Variants in TWF2 observed in about 807,000 individuals in gnomAD.
The protein encoded by TWF2 is twinfilin actin binding protein 2.
A neutral mutation model predicts 45.1 loss-of-function variants in TWF2; 15 were observed. The ratio of observed to expected loss-of-function variants is 0.33; its 90% CI spans 0.22 to 0.51. TWF2 has a LOEUF of 0.51. Ranked by LOEUF, TWF2 falls within the 20% of genes least tolerant of loss-of-function variation. The pLI, the probability that TWF2 is intolerant of heterozygous loss-of-function variation, is 0.97. For missense variants in TWF2, 423 were observed against 469.1 expected (o/e 0.90, Z 0.91); for synonymous variants, 177 against 195.8 (o/e 0.90, Z 0.80).
rs911830754 is a variant in TWF2, at chr3:52,237,353, C to T, written c.25+1639G>A. ...CCTCACATTACAGGTCCCTTTCCTG[C>T]CTACTCTGCGGTCAGCAGATCCACA... On this transcript the variant is annotated intron_variant, in intron 1 of 8. Coordinates refer to ENST00000305533, the MANE Select transcript of TWF2 (RefSeq NM_007284.4). 3.3e-5 allele frequency among the ~76,000 whole-genome samples: 5 copies of T among 152,006 alleles called. No individual in the cohort carries two copies. The East Asian group carries it at 9.7e-4, about 29-fold the overall frequency.
intron 3 of TWF2, 30 bp from the exon 4 acceptor site, chr3:52,231,569 C>G (rs758845464): frequency 6.3e-7 from 1 of 1,599,906 alleles, no homozygotes; most frequent in South Asian, 1.1e-5. Context: ...CCGTAAGAGG[C>G]CTCTGGGCAG....
intron 2 of TWF2, among the ~76,000 whole-genome samples, chr3:52,234,658 C>T (rs1193326984): frequency 1.3e-5 from 2 of 152,198 alleles, no homozygotes; most frequent in African/African-American, 2.4e-5. Flanking sequence ...ACAAATGAGG[C>T]GGGTGGCACC....
At chr3:52,231,604 G>A (rs767510502) in intron 3 of TWF2, 65 bp from the exon 4 acceptor site, 20 of 1,530,392 alleles carry the variant, frequency 1.3e-5, no homozygotes, top group Non-Finnish European at 1.6e-5. Flanking sequence ...GAACAGACAG[G>A]TGCCTCTGGA....
rs1176491130 is a variant in TWF2 at position 52,231,182 on chromosome 3, G to C, written c.428C>G (p.Ala143Gly). ...CTCAGCCGAGGTCAGCGGGGCAGGT[G>C]CCGCACAGGACGACAGGTGTTTCTG... ...GYQKHLSSCA[A>G]PAPLTSAERE... The change falls in exon 5 of 9, where the codon GCA becomes GGA. Residue 143 changes from alanine to glycine, a missense_variant. Coordinates refer to ENST00000305533, the MANE Select transcript of TWF2 (RefSeq NM_007284.4). The C allele has an allele frequency of 6.2e-7, 1 of 1,614,066 alleles. No individual in the cohort carries two copies. The highest frequency in any genetic ancestry group is 1.1e-5 in the South Asian group (1 of 91,080).
chr3:52,229,679 A>T lies in TWF2; in HGVS notation c.864T>A (p.His288Gln). Residue 288 changes from histidine to glutamine, a missense_variant, in exon 8 of 9, where the codon CAT becomes CAA. His to Gln is a conservative substitution (Grantham distance 24). Coordinates refer to ENST00000305533, the MANE Select transcript of TWF2 (RefSeq NM_007284.4). ...RLLDSVEQDF[H>Q]LEIAKKIEIG... ...CGCCTACTTTCTTGGCGATCTCCAG[A>T]TGGAAGTCCTGCTCCACGGAGTCGA... 1 of 1,613,484 alleles carries T rather than the reference A, an allele frequency of 6.2e-7. No homozygotes were observed. Among genetic ancestry groups the T allele is most frequent in the African/African-American group, 1.3e-5 (1 of 75,054 alleles).
chr3:52,237,724 A>G (rs951370225), intron 1 of TWF2, among the ~76,000 whole-genome samples: 1 of 152,184 alleles, frequency 6.6e-6, no homozygotes, highest in Non-Finnish European at 1.5e-5. Flanking sequence ...CTCCTCCTGG[A>G]GAAAGGCTGG....
At chr3:52,238,565 G>A (rs1165665402) in intron 1 of TWF2, among the ~76,000 whole-genome samples, 1 of 152,148 alleles carries the variant, frequency 6.6e-6, no homozygotes, top group Non-Finnish European at 1.5e-5. Flanking sequence ...GGTCCTATGC[G>A]ACCTACAGTG....
At chr3:52,229,626 G>T in intron 8 of TWF2, 35 bp downstream of exon 8, 2 of 1,610,710 alleles carry the variant, frequency 1.2e-6, no homozygotes, top group Non-Finnish European at 8.5e-7. Flanking sequence ...GAGTGATAGG[G>T]CCTGGGGAGG....
chr3:52,232,372 A>G, intron 2 of TWF2: 1 of 553,746 alleles, frequency 1.8e-6, no homozygotes, highest in East Asian at 3.1e-5. Context: ...CCCCACACAC[A>G]CACACGTGCG....
chr3:52,233,006 C>T (rs551619946), intron 2 of TWF2, among the ~76,000 whole-genome samples: 23 of 152,080 alleles, frequency 1.5e-4, no homozygotes, highest in South Asian at 8.3e-4. Flanking sequence ...AGCGAAACTC[C>T]GTCTCAAAAA....
intron 1 of TWF2, 111 bp downstream of exon 1, chr3:52,238,881 A>T (rs1699752854): frequency 2.2e-6 from 3 of 1,385,212 alleles, no homozygotes; most frequent in Admixed American, 4.7e-5. Flanking sequence ...AAAAGAGAAC[A>T]GGAAGCTTTC....
chr3:52,230,540 G>A (rs973421165), intron 6 of TWF2, among the ~76,000 whole-genome samples: 1 of 152,170 alleles, frequency 6.6e-6, no homozygotes, highest in African/African-American at 2.4e-5. Flanking sequence ...TGACAGGAAG[G>A]GCCTCGGGGC....
chr3:52,236,701 A>C (rs1699729204), intron 1 of TWF2, among the ~76,000 whole-genome samples: 1 of 152,024 alleles, frequency 6.6e-6, no homozygotes, highest in African/African-American at 2.4e-5. Context: ...TTAATCTGAG[A>C]CCTCAGGCTA....
At chr3:52,229,231 A>G in intron 8 of TWF2, 30 bp from the exon 9 acceptor site, 1 of 1,604,724 alleles carries the variant, frequency 6.2e-7, no homozygotes, top group African/African-American at 1.3e-5. Context: ...GGTCACCCCA[A>G]TGGGAGGGGC....
chr3:52,231,607 C>A (rs925655957), intron 3 of TWF2, 68 bp from the exon 4 acceptor site: 2 of 1,510,338 alleles, frequency 1.3e-6, no homozygotes, highest in African/African-American at 1.4e-5. Context: ...CAGACAGGTG[C>A]CTCTGGAGGA....
chr3:52,233,751 C>T (rs563926452), intron 2 of TWF2, among the ~76,000 whole-genome samples: 63 of 152,096 alleles, frequency 4.1e-4, no homozygotes, highest in African/African-American at 1.5e-3. Context: ...CCCGTCTCTA[C>T]TAAAAATACA....
intron 8 of TWF2, 43 bp downstream of exon 8, chr3:52,229,618 G>A (rs1339841094): frequency 6.2e-7 from 1 of 1,604,378 alleles, no homozygotes; most frequent in African/African-American, 1.3e-5. Context: ...GGAGATTGGA[G>A]TGATAGGGCC....
Position 52,229,147 on chromosome 3 carries a change from G to A in TWF2, c.937C>T (p.His313Tyr), listed in dbSNP as rs759231820. 1.9e-6 allele frequency: 3 copies of A among 1,613,196 alleles called. No homozygotes were observed. Among genetic ancestry groups the A allele is most frequent in the Non-Finnish European group, 1.7e-6 (2 of 1,180,020 alleles). ...TGCTTGAAGGCGTGTTGCTTGGGGTGCACCTCGTCGTAGAGGAACTCTGCC... is the reference window on the plus strand; with the variant it reads ...TGCTTGAAGGCGTGTTGCTTGGGGTACACCTCGTCGTAGAGGAACTCTGCC... ...LTAEFLYDEV[H>Y]PKQHAFKQAF... Residue 313 changes from histidine to tyrosine, a missense_variant, in exon 9 of 9, where the codon CAC (histidine) becomes TAC (tyrosine). Physicochemically the swap from His to Tyr is moderately conservative, Grantham distance 83 (BLOSUM62 2). Transcript: ENST00000305533.
In TWF2 at chr3:52,229,732, G is replaced by A; in HGVS notation, c.811C>T (p.Leu271Phe). The A allele has an allele frequency of 1.2e-6, 2 of 1,613,292 alleles. No individual in the cohort carries two copies. Among genetic ancestry groups the A allele is most frequent in the Non-Finnish European group, 1.7e-6 (2 of 1,180,006 alleles). Residue 271 changes from leucine to phenylalanine, a missense_variant, in exon 8 of 9, where the codon CTC (leucine) becomes TTC (phenylalanine). By Grantham distance (22) the Leu-to-Phe change is conservative. Transcript: ENST00000305533. The stretch of plus-strand genomic sequence containing the variant: ...AGGCGGCTCTTGCAGCTGGAGTAGA[G>A]CATTCGCTCCTTGATGCTGCACTTG... ...GYKCSIKERM[L>F]YSSCKSRLLD...
Sources: gnomAD v4.1 joint callset for allele counts (sites outside exome capture counted in the v4.1 genomes callset) on GRCh38, gnomAD v4.1.1 for gene constraint, MANE v1.5 for transcripts, NCBI Gene and HGNC (gene_info 2026-07-23, HGNC 2026-07-21) for gene names.